Variants in BRCA2 observed in about 807,000 individuals in gnomAD.
BRCA2 encodes BRCA2 DNA repair associated, also known as breast cancer type 2 susceptibility protein.
BRCA2 carries 203 observed loss-of-function variants against 276.7 expected under a neutral mutation model. That is an observed-to-expected ratio of 0.73 (90% CI 0.65 to 0.82). The LOEUF is 0.82. Among genes scored for constraint, BRCA2 ranks in the 40% least tolerant of loss-of-function variants. BRCA2 has a pLI of 0.00. For synonymous variants in BRCA2, 1,289 were observed against 1,338.4 expected, an observed-to-expected ratio of 0.96 and a Z score of 0.81; for missense variants, 3,920 against 3,915.0, an observed-to-expected ratio of 1.00 and a Z score of -0.03.
rs1060502432 is a variant in BRCA2, at chr13:32,363,371, T to C, written c.8169T>C (p.Asp2723=). The C allele has an allele frequency of 6.2e-7, 1 of 1,614,178 alleles. No homozygotes were observed. The highest frequency in any genetic ancestry group is 8.5e-7 in the Non-Finnish European group (1 of 1,180,028). Residue 2723 remains aspartate, a synonymous_variant, in exon 18 of 27, where the codon GAT becomes GAC. Coordinates refer to ENST00000380152, the MANE Select transcript of BRCA2 (RefSeq NM_000059.4). ...TQKVAIIELT[D]GWYAVKAQLD... Reference sequence around the variant, plus strand: ...AAGTGGCCATTATTGAACTTACAGATGGGTGGTATGCTGTTAAGGCCCAGT... The same window carrying C: ...AAGTGGCCATTATTGAACTTACAGACGGGTGGTATGCTGTTAAGGCCCAGT...
At position 32,336,702 on chromosome 13, in the gene BRCA2, G is replaced by A. The variant is rs1566226546; in HGVS notation, c.2347G>A (p.Val783Ile). The change falls in exon 11 of 27, where the codon GTC (valine) becomes ATC (isoleucine). Residue 783 changes from valine (V) to isoleucine (I), a missense_variant. By Grantham distance (29) the Val-to-Ile change is conservative (BLOSUM62 3). Transcript: ENST00000380152. ...TTCCAAGGATGTTCTGTCAAACCTA[G>A]TCATGATTTCTAGAGGCAAAGAATC... Reference protein sequence around the residue: ...PTSKDVLSNLVMISRGKESYK... With the variant: ...PTSKDVLSNLIMISRGKESYK... 1 of 1,613,924 alleles carries A rather than the reference G, an allele frequency of 6.2e-7. No individual in the cohort carries two copies. The highest frequency in any genetic ancestry group is 2.2e-5 in the East Asian group (1 of 44,868).
At chr13:32,386,011 G>T in intron 24 of BRCA2, 1 of 181,288 alleles carries the variant, frequency 5.5e-6, no homozygotes, top group Non-Finnish European at 1.2e-5. Context: ...TTAGGTTTCT[G>T]TACAAATTGA....
rs431825335 is a variant in BRCA2 at position 32,340,139 on chromosome 13, A to C, written c.5784A>C (p.Glu1928Asp). 9 of 1,613,184 alleles carry C rather than the reference A, an allele frequency of 5.6e-6. No homozygotes were observed. The highest frequency in any genetic ancestry group is 2.2e-5 in the East Asian group (1 of 44,866). Residue 1928 changes from glutamate to aspartate, a missense_variant, in exon 11 of 27, where the codon GAA (glutamate) becomes GAC (aspartate). Around this residue, in one of 2 missense-constraint regions of BRCA2, gnomAD observed 3,263 missense variants for 3,156.9 expected, o/e 1.03. Transcript: ENST00000380152. ...TTTTTGCTGACATTCAGAGTGAAGA[A>C]ATTTTACAACATAACCAAAATATGT... ...HKVFADIQSE[E>D]ILQHNQNMSG...
At chr13:32,356,715 C>A in intron 15 of BRCA2, 106 bp downstream of exon 15, 1 of 1,298,016 alleles carries the variant, frequency 7.7e-7, no homozygotes. Context: ...CACATTAGTG[C>A]AGGAATGGAT....
chr13:32,358,679 T>A (rs1257203413), intron 16 of BRCA2, among the ~76,000 whole-genome samples: 1 of 150,782 alleles, frequency 6.6e-6, no homozygotes, highest in Non-Finnish European at 1.5e-5. Flanking sequence ...ACGCCTGTAG[T>A]CCCAACACTT....
At chr13:32,316,640 T>C in intron 2 of BRCA2, 113 bp downstream of exon 2, 2 of 894,926 alleles carry the variant, frequency 2.2e-6, no homozygotes, top group Non-Finnish European at 3.6e-6. Context: ...AAACTGTTCC[T>C]TATGTGTGTA....
At chr13:32,370,843 T>C in intron 19 of BRCA2, 113 bp from the exon 20 acceptor site, 2 of 1,367,976 alleles carry the variant, frequency 1.5e-6, no homozygotes, top group Admixed American at 1.8e-5. Context: ...TCCACTAATC[T>C]CAGCCTCCCA....
chr13:32,380,194 T>G (rs1364874524), intron 24 of BRCA2, 49 bp downstream of exon 24: 1 of 1,552,602 alleles, frequency 6.4e-7, no homozygotes, highest in East Asian at 2.3e-5. Flanking sequence ...TTAAAAAACA[T>G]TGTCTTTTAA....
chr13:32,365,474 G>C (rs767429508), intron 18 of BRCA2, among the ~76,000 whole-genome samples: 6 of 151,956 alleles, frequency 3.9e-5, no homozygotes, highest in African/African-American at 9.7e-5. Flanking sequence ...TCCGCCTCTC[G>C]GGTTCAAGTG....
chr13:32,387,376 T>C (rs942567351), intron 24 of BRCA2, among the ~76,000 whole-genome samples: 5 of 152,156 alleles, frequency 3.3e-5, no homozygotes, highest in African/African-American at 1.2e-4. Flanking sequence ...TAGGGTGAGG[T>C]GCTGAAGGGA....
chr13:32,396,802 CAA>C, intron 25 of BRCA2, 94 bp from the exon 26 acceptor site: 2 of 1,516,180 alleles, frequency 1.3e-6, no homozygotes, highest in South Asian at 2.3e-5. Flanking sequence ...TTTTTTGGTC[CAA>C]ACTTTTCATT....
chr13:32,324,721 G>T (rs2072330941), intron 3 of BRCA2, among the ~76,000 whole-genome samples: 1 of 152,020 alleles, frequency 6.6e-6, no homozygotes, highest in Admixed American at 6.6e-5. Context: ...CAAGCTCCTG[G>T]GCTCAAGTGA....
Position 32,319,174 on chromosome 13 carries a change from C to T in BRCA2, c.165C>T (p.Asn55=), listed in dbSNP as rs779367922. ...EPAEESEHKN[N]NYEPNLFKTP... is the part of the protein sequence containing the mutation. ...CAGAAGAATCTGAACATAAAAACAA[C>T]AATTACGAACCAAACCTATTTAAAA... is the stretch of plus-strand genomic sequence containing the variant. The change falls in exon 3 of 27, where the codon AAC becomes AAT. Residue 55 remains asparagine, a synonymous_variant. Coordinates refer to ENST00000380152, the MANE Select transcript of BRCA2 (RefSeq NM_000059.4). The T allele has an allele frequency of 6.2e-7, 1 of 1,614,020 alleles. No individual in the cohort carries two copies. The highest frequency in any genetic ancestry group is 1.7e-5 in the Admixed American group (1 of 60,022).
intron 18 of BRCA2, among the ~76,000 whole-genome samples, chr13:32,365,155 T>C (rs2072772403): frequency 7.6e-6 from 1 of 131,558 alleles, no homozygotes; most frequent in Non-Finnish European, 1.6e-5. Context: ...CGTCTCACTG[T>C]GTTACATAGG....
intron 16 of BRCA2, among the ~76,000 whole-genome samples, chr13:32,358,187 T>TCCCAAAAA (rs1225534541): frequency 2.6e-5 from 4 of 152,228 alleles, no homozygotes; most frequent in African/African-American, 7.2e-5. Context: ...TTTATAAAGT[T>TCCCAAAAA]AAATTTGGCC....
Position 32,336,550 on chromosome 13 carries a change from A to C in BRCA2, c.2195A>C (p.Glu732Ala), listed in dbSNP as rs1456382766. The change falls in exon 11 of 27, where the codon GAG (glutamate) becomes GCG (alanine). Residue 732 changes from glutamate (E) to alanine (A), a missense_variant. Transcript: ENST00000380152. Reference sequence around the variant, plus strand: ...AAAAAAGTTTCAGATATAAAAGAAGAGGTCTTGGCTGCAGCATGTCACCCA... The same window carrying C: ...AAAAAAGTTTCAGATATAAAAGAAGCGGTCTTGGCTGCAGCATGTCACCCA... ...KSKKVSDIKE[E>A]VLAAACHPVQ... The C allele has an allele frequency of 3.1e-6, 5 of 1,613,978 alleles. No homozygotes were observed. The highest frequency in any genetic ancestry group is 4.2e-6 in the Non-Finnish European group (5 of 1,180,000).
chr13:32,317,749 T>G (rs1005259394), intron 2 of BRCA2, among the ~76,000 whole-genome samples: 12 of 152,218 alleles, frequency 7.9e-5, no homozygotes, highest in African/African-American at 2.7e-4. Context: ...AAGTTCACAT[T>G]TTGTCATTGA....
rs1375058950 is a variant in BRCA2, at chr13:32,340,623, CA to C, written c.6269del (p.His2090LeufsTer29). The C allele has an allele frequency of 1.9e-6, 3 of 1,607,186 alleles. No individual in the cohort carries two copies. The highest frequency in any genetic ancestry group is 2.5e-6 in the Non-Finnish European group (3 of 1,177,512). On this transcript the variant is annotated frameshift_variant, in exon 11 of 27. Coordinates refer to ENST00000380152, the MANE Select transcript of BRCA2 (RefSeq NM_000059.4). LOFTEE classifies it high-confidence loss of function. The part of the protein sequence containing the change: ...LEEFDLIRTE[H>X]SLHYSPTSRQ... ...GGAATTTGATTTAATCAGAACTGAG[CA>C]TAGTCTTCACTATTCACCTACGTCT...
At chr13:32,328,157 CA>C (rs1488801501) in intron 7 of BRCA2, among the ~76,000 whole-genome samples, 2 of 151,884 alleles carry the variant, frequency 1.3e-5, no homozygotes, top group Admixed American at 1.3e-4. Flanking sequence ...ACAAATGCAT[CA>C]CAGTTTATAG....
Sources: gnomAD v4.1 joint callset for allele counts (sites outside exome capture counted in the v4.1 genomes callset) on GRCh38, gnomAD v4.1.1 for gene constraint, gnomAD v4.1.1 regional missense constraint, MANE v1.5 for transcripts, NCBI Gene and HGNC (gene_info 2026-07-23, HGNC 2026-07-21) for gene names.